CNDP2: variants seen among roughly 807,000 people sequenced by gnomAD.
CNDP2 encodes the protein cytosolic non-specific dipeptidase.
Under a neutral mutation model 55.0 loss-of-function variants are expected in CNDP2, and 38 were observed. The observed-to-expected ratio is 0.69, with a 90% CI of 0.53 to 0.90. CNDP2 has a LOEUF of 0.90. Among genes scored for constraint, CNDP2 ranks in the 40% least tolerant of loss-of-function variants. The probability of loss-of-function intolerance (pLI) is 0.00; values close to 1 mark genes in which losing one functional copy is unlikely to be tolerated. For synonymous variants in CNDP2, 241 were observed against 260.2 expected, an observed-to-expected ratio of 0.93 and a Z score of 0.71; for missense variants, 607 against 621.7, an observed-to-expected ratio of 0.98 and a Z score of 0.25.
At position 74,510,950 on chromosome 18, in the gene CNDP2, G is replaced by T. The variant is rs1291309278; in HGVS notation, c.594G>T (p.Trp198Cys). Reference protein sequence around the residue: ...VDYVCISDNYWLGKKKPCITY... With the variant: ...VDYVCISDNYCLGKKKPCITY... ...ATGTCTGCATTTCTGACAATTACTGGCTGGGAAAGAAGAAGCCCTGCATCA... is the reference window on the plus strand; with the variant it reads ...ATGTCTGCATTTCTGACAATTACTGTCTGGGAAAGAAGAAGCCCTGCATCA... The change falls in exon 6 of 12, where the codon TGG (tryptophan) becomes TGT (cysteine). Residue 198 changes from tryptophan to cysteine, a missense_variant. Trp to Cys is a radical substitution (Grantham distance 215, BLOSUM62 -2). Coordinates refer to ENST00000324262, the MANE Select transcript of CNDP2 (RefSeq NM_018235.3). 3 of 1,614,172 alleles carry T rather than the reference G, an allele frequency of 1.9e-6. No homozygotes were observed. Among genetic ancestry groups the T allele is most frequent in the Non-Finnish European group, 2.5e-6 (3 of 1,180,028 alleles).
rs1249429613 is a variant in CNDP2 at position 74,509,075 on chromosome 18, G to T, written c.456+147G>T. The T allele has an allele frequency of 4.9e-6, 3 of 608,126 alleles. No homozygotes were observed. In the African/African-American group the frequency reaches 5.5e-5, roughly 11 times the overall value. The allele number at this position is 608,126 out of a possible 1,614,324, so 37.7% of individuals were successfully genotyped here. ...CAGCCCTTATCAGCACAGATGACTCGGATGTAAGAGTATAGGTTTGTTTTC... is the reference window on the plus strand; with the variant it reads ...CAGCCCTTATCAGCACAGATGACTCTGATGTAAGAGTATAGGTTTGTTTTC... On this transcript the variant is annotated intron_variant, in intron 5 of 11. Transcript: ENST00000324262.
At chr18:74,506,759 G>A (rs1041154200) in intron 4 of CNDP2, among the ~76,000 whole-genome samples, 1 of 152,222 alleles carries the variant, frequency 6.6e-6, no homozygotes, top group Non-Finnish European at 1.5e-5. Flanking sequence ...CGTGGGCCTG[G>A]CACCTGCAGG....
intron 5 of CNDP2, 44 bp from the exon 6 acceptor site, chr18:74,510,769 G>T (rs1979299793): frequency 6.5e-6 from 10 of 1,540,218 alleles, no homozygotes; most frequent in African/African-American, 1.4e-5. Flanking sequence ...TAGAAGGAAG[G>T]TTCGCAAAGC....
At chr18:74,499,861 G>C (rs1366396221) in intron 1 of CNDP2, 21 bp from the exon 2 acceptor site, 3 of 880,230 alleles carry the variant, frequency 3.4e-6, no homozygotes, top group Non-Finnish European at 5.4e-6. Context: ...TTACAATTCT[G>C]AACACGTGCT....
chr18:74,514,636 A>G (rs1979561113), intron 8 of CNDP2, among the ~76,000 whole-genome samples: 1 of 151,692 alleles, frequency 6.6e-6, no homozygotes, highest in African/African-American at 2.4e-5. Context: ...TATGGATGTA[A>G]GTTCTGCAGG....
intron 4 of CNDP2, among the ~76,000 whole-genome samples, chr18:74,506,640 C>T (rs924181498): frequency 6.6e-6 from 1 of 152,200 alleles, no homozygotes; most frequent in Non-Finnish European, 1.5e-5. Context: ...CCCTTGTCCC[C>T]CTCCCCGGCC....
At position 74,521,065 on chromosome 18, in the gene CNDP2, G is replaced by A. The variant is rs1356781855; in HGVS notation, c.*997G>A. On this transcript the variant is annotated 3_prime_UTR_variant, in exon 12 of 12. Coordinates refer to ENST00000324262, the MANE Select transcript of CNDP2 (RefSeq NM_018235.3). ...TGATCCCTCAAAACCTCACTAACTG[G>A]AAGGATGATTTTGTCTCAGTTTGTA... 1 of 152,104 alleles carries A rather than the reference G, an allele frequency of 6.6e-6. No homozygotes were observed. The highest frequency in any genetic ancestry group is 1.5e-5 in the Non-Finnish European group (1 of 68,020). 9.4% of individuals were successfully genotyped at this position (152,104 alleles called of 1,614,324 possible). A position where few individuals can be genotyped will look rare whatever the true frequency, so the allele number is the denominator to read the frequency against.
Position 74,505,911 on chromosome 18 carries a change from A to G in CNDP2, c.267A>G (p.Pro89=). ...TGCTCGGCAGGCTGGGCTCCGACCC[A>G]CAGAAGAAGACCGTGTGCATTTACG... The part of the protein sequence containing the change: ...PILLGRLGSD[P]QKKTVCIYGH... The change falls in exon 4 of 12, where the codon CCA becomes CCG. Residue 89 remains proline (P), a synonymous_variant. Transcript: ENST00000324262. The G allele has an allele frequency of 1.2e-6, 2 of 1,611,998 alleles. No individual in the cohort carries two copies. The highest frequency in any genetic ancestry group is 1.7e-6 in the Non-Finnish European group (2 of 1,179,342).
In CNDP2 at chr18:74,520,228, G is replaced by A. The variant is rs775419588; in HGVS notation, c.*160G>A. 12 of 662,008 alleles carry A rather than the reference G, an allele frequency of 1.8e-5. No individual in the cohort carries two copies. The highest frequency in any genetic ancestry group is 2.6e-5 in the Non-Finnish European group (10 of 385,318). The allele number at this position is 662,008 out of a possible 1,614,324, so 41.0% of individuals were successfully genotyped here. A position where few individuals can be genotyped will look rare whatever the true frequency, so the allele number is the denominator to read the frequency against. On this transcript the variant is annotated 3_prime_UTR_variant, in exon 12 of 12. Transcript: ENST00000324262. ...GACACAAGTGTATCCAGCTGTCCAC[G>A]GGTGGAGCTACCCGTTGGGCTTATG...
chr18:74,522,409 A>C lies in CNDP2; in HGVS notation c.*2341A>C, dbSNP rs1484590763. The C allele has an allele frequency of 2.0e-5, 3 of 152,258 alleles. No individual in the cohort carries two copies. The highest frequency in any genetic ancestry group is 4.4e-5 in the Non-Finnish European group (3 of 68,048). 9.4% of individuals were successfully genotyped at this position (152,258 alleles called of 1,614,324 possible). On this transcript the variant is annotated 3_prime_UTR_variant, in exon 12 of 12. Coordinates refer to ENST00000324262, the MANE Select transcript of CNDP2 (RefSeq NM_018235.3). ...CTGGTGTCTCATGCATGCGAGCTGC[A>C]TATGGGCCCCCGTTAGTCAGGAACC...
intron 9 of CNDP2, 80 bp downstream of exon 9, chr18:74,516,472 C>T (rs770990664): frequency 1.5e-5 from 20 of 1,376,592 alleles, no homozygotes; most frequent in Middle Eastern, 2.1e-4. Context: ...GGCTGTTACT[C>T]GACAGACACC....
At position 74,518,590 on chromosome 18, in the gene CNDP2, C is replaced by T; in HGVS notation, c.1160C>T (p.Ser387Phe). 3.1e-6 allele frequency: 5 copies of T among 1,614,198 alleles called. No homozygotes were observed. The highest frequency in any genetic ancestry group is 1.3e-5 in the African/African-American group (1 of 75,056). The part of the protein sequence containing the change: ...YMGHGGKPWV[S>F]DFSHPHYLAG... ...GGCCACGGTGGGAAGCCCTGGGTCTCCGACTTCAGTCACCCTCATTACCTG... is the reference window on the plus strand; with the variant it reads ...GGCCACGGTGGGAAGCCCTGGGTCTTCGACTTCAGTCACCCTCATTACCTG... Residue 387 changes from serine (S) to phenylalanine (F), a missense_variant, in exon 10 of 12, where the codon TCC (serine) becomes TTC (phenylalanine). By Grantham distance (155) the Ser-to-Phe change is radical. Transcript: ENST00000324262.
At chr18:74,509,000 T>A (rs1979194995) in intron 5 of CNDP2, 72 bp downstream of exon 5, 4 of 1,241,030 alleles carry the variant, frequency 3.2e-6, no homozygotes, top group Non-Finnish European at 4.7e-6. Flanking sequence ...GGCTCTCTGT[T>A]CACACAACAG....
chr18:74,507,745 A>C (rs3829640), intron 4 of CNDP2: 2 of 152,168 alleles, frequency 1.3e-5, no homozygotes, highest in African/African-American at 4.8e-5. Context: ...CCTGACTGTC[A>C]AGGAACCTAG....
At chr18:74,501,838 C>T (rs60695997) in intron 3 of CNDP2, among the ~76,000 whole-genome samples, 16,583 of 152,134 alleles carry the variant, frequency 0.11, 1,465 homozygotes, top group African/African-American at 0.25. Flanking sequence ...TAAAGACTCC[C>T]CCCAACCCCC....
At chr18:74,513,191 G>T (rs1423377789) in intron 7 of CNDP2, among the ~76,000 whole-genome samples, 1 of 152,244 alleles carries the variant, frequency 6.6e-6, no homozygotes, top group South Asian at 2.1e-4. Flanking sequence ...GCTGCGTGAA[G>T]CCAGTCTGCT....
chr18:74,506,537 G>T (rs1206839057), intron 4 of CNDP2, among the ~76,000 whole-genome samples: 1 of 152,192 alleles, frequency 6.6e-6, no homozygotes, highest in Non-Finnish European at 1.5e-5. Context: ...TGAGCCCCCC[G>T]TGGCTGGCGT....
rs775508269 is a variant in CNDP2 at position 74,518,606 on chromosome 18, T to A, written c.1176T>A (p.Pro392=). The change falls in exon 10 of 12, where the codon CCT becomes CCA. Residue 392 remains proline, a synonymous_variant. Transcript: ENST00000324262. ...GKPWVSDFSH[P]HYLAGRRAMK... ...CCTGGGTCTCCGACTTCAGTCACCC[T>A]CATTACCTGGCTGGGAGAAGAGCCA... 2 of 1,614,092 alleles carry A rather than the reference T, an allele frequency of 1.2e-6. No individual in the cohort carries two copies. The highest frequency in any genetic ancestry group is 1.7e-6 in the Non-Finnish European group (2 of 1,180,042).
rs2278159 is a variant in CNDP2, at chr18:74,510,926, T to C, written c.570T>C (p.Tyr190=). The change falls in exon 6 of 12, where the codon TAT becomes TAC. Residue 190 remains tyrosine (Y), a synonymous_variant. Coordinates refer to ENST00000324262, the MANE Select transcript of CNDP2 (RefSeq NM_018235.3). The stretch of plus-strand genomic sequence containing the variant: ...ACACATTCTTTAAGGATGTGGACTA[T>C]GTCTGCATTTCTGACAATTACTGGC... ...RKDTFFKDVD[Y]VCISDNYWLG... 0.2 allele frequency: 317,671 copies of C among 1,613,812 alleles called. 33,025 individuals carry two copies. The highest frequency in any genetic ancestry group is 0.32 in the Admixed American group (19,235 of 60,012).
Sources: gnomAD v4.1 joint callset for allele counts (sites outside exome capture counted in the v4.1 genomes callset) on GRCh38, gnomAD v4.1.1 for gene constraint, MANE v1.5 for transcripts, NCBI Gene and HGNC (gene_info 2026-07-23, HGNC 2026-07-21) for gene names.